Variants in KCND3 observed in about 807,000 individuals in gnomAD.
KCND3 encodes the protein A-type voltage-gated potassium channel KCND3.
In KCND3, 9 loss-of-function variants were observed where a neutral mutation model predicts 51.1. The ratio of observed to expected loss-of-function variants is 0.18; its 90% CI spans 0.11 to 0.31. The LOEUF (loss-of-function observed/expected upper bound fraction) is 0.31. Ranked by LOEUF, KCND3 falls within the 10% of genes least tolerant of loss-of-function variation. The pLI, the probability that KCND3 is intolerant of heterozygous loss-of-function variation, is 1.00. For synonymous variants in KCND3, 349 were observed against 368.0 expected (o/e 0.95, Z 0.59); for missense variants, 526 against 903.8 (o/e 0.58, Z 5.36).
chr1:111,893,245 G>A (rs568301681), intron 2 of KCND3, among the ~76,000 whole-genome samples: 1 of 152,326 alleles, frequency 6.6e-6, no homozygotes, highest in East Asian at 1.9e-4. Flanking sequence ...GGGAAGTTGT[G>A]AACTCTGGCT....
intron 2 of KCND3, among the ~76,000 whole-genome samples, chr1:111,942,413 G>A (rs1672568903): frequency 6.6e-6 from 1 of 152,222 alleles, no homozygotes; most frequent in African/African-American, 2.4e-5. Context: ...CATAGTTCCT[G>A]CCCATGTCAC....
chr1:111,881,276 CTCTG>C (rs1277651912), intron 2 of KCND3, among the ~76,000 whole-genome samples: 1 of 152,266 alleles, frequency 6.6e-6, no homozygotes, highest in Non-Finnish European at 1.5e-5. Context: ...CATTTGTCAG[CTCTG>C]TCTGAGCACA....
At chr1:111,813,163 G>A (rs1012977027) in intron 2 of KCND3, among the ~76,000 whole-genome samples, 9 of 152,108 alleles carry the variant, frequency 5.9e-5, no homozygotes, top group African/African-American at 1.9e-4. Context: ...GGTATGGGAA[G>A]GGGTCATAGT....
chr1:111,971,594 C>G (rs1674334272), intron 2 of KCND3, among the ~76,000 whole-genome samples: 1 of 152,132 alleles, frequency 6.6e-6, no homozygotes, highest in Admixed American at 6.6e-5. Context: ...TCTGCTTCAG[C>G]TGATGATTTT....
intron 2 of KCND3, among the ~76,000 whole-genome samples, chr1:111,900,222 C>G (rs1286941140): frequency 6.6e-6 from 1 of 152,102 alleles, no homozygotes; most frequent in Non-Finnish European, 1.5e-5. Context: ...TCCCTCTGAC[C>G]CTTCCCACTT....
At chr1:111,796,417 C>A (rs1665060143) in intron 2 of KCND3, among the ~76,000 whole-genome samples, 1 of 151,812 alleles carries the variant, frequency 6.6e-6, no homozygotes, top group African/African-American at 2.4e-5. Context: ...AAAAATGTGG[C>A]ACATATACAT....
At chr1:111,808,863 C>G (rs1665701334) in intron 2 of KCND3, among the ~76,000 whole-genome samples, 1 of 152,214 alleles carries the variant, frequency 6.6e-6, no homozygotes, top group Admixed American at 6.5e-5. Flanking sequence ...CAAGATGTGC[C>G]TTGCCAAAGA....
At chr1:111,858,636 T>C (rs1668198406) in intron 2 of KCND3, among the ~76,000 whole-genome samples, 1 of 152,230 alleles carries the variant, frequency 6.6e-6, no homozygotes, top group Non-Finnish European at 1.5e-5. Flanking sequence ...CAGTCTCTCC[T>C]GTGCCTGATG....
At chr1:111,947,720 C>T (rs1672848998) in intron 2 of KCND3, among the ~76,000 whole-genome samples, 1 of 152,178 alleles carries the variant, frequency 6.6e-6, no homozygotes, top group African/African-American at 2.4e-5. Context: ...AAGAGGGATG[C>T]TGAGGTTTGG....
intron 2 of KCND3, among the ~76,000 whole-genome samples, chr1:111,941,138 G>T (rs1039199691): frequency 1.3e-5 from 2 of 152,070 alleles, no homozygotes; most frequent in Non-Finnish European, 2.9e-5. Context: ...GCTATGTCAG[G>T]GTTAAAAATC....
chr1:111,941,552 C>T (rs1672523164), intron 2 of KCND3, among the ~76,000 whole-genome samples: 1 of 152,184 alleles, frequency 6.6e-6, no homozygotes, highest in Admixed American at 6.5e-5. Flanking sequence ...ACTTCTCTCC[C>T]ATCCCTTCTG....
chr1:111,965,207 G>GGT (rs977618166), intron 2 of KCND3, among the ~76,000 whole-genome samples: 1 of 151,852 alleles, frequency 6.6e-6, no homozygotes, highest in African/African-American at 2.4e-5. Flanking sequence ...GAGTAAAAGG[G>GGT]GTGTGGAGGT....
At chr1:111,939,234 ATTT>A (rs1206457424) in intron 2 of KCND3, among the ~76,000 whole-genome samples, 1 of 151,938 alleles carries the variant, frequency 6.6e-6, no homozygotes, top group East Asian at 1.9e-4. Context: ...TTTATTTTTA[ATTT>A]TTTTTAGTAT....
At chr1:111,964,149 C>A (rs1673831598) in intron 2 of KCND3, among the ~76,000 whole-genome samples, 1 of 152,132 alleles carries the variant, frequency 6.6e-6, no homozygotes, top group African/African-American at 2.4e-5. Context: ...CAGGGCCAGG[C>A]AGGGAGGGGA....
chr1:111,779,645 T>A (rs1414345295), intron 5 of KCND3, among the ~76,000 whole-genome samples: 3 of 150,802 alleles, frequency 2.0e-5, no homozygotes, highest in Non-Finnish European at 4.4e-5. Context: ...TGGCTCTGTT[T>A]TAACAATCAG....
At chr1:111,802,913 C>T (rs1444313522) in intron 2 of KCND3, among the ~76,000 whole-genome samples, 1 of 151,900 alleles carries the variant, frequency 6.6e-6, no homozygotes, top group African/African-American at 2.4e-5. Context: ...TTTGACTGAG[C>T]ATCAAACATT....
chr1:111,854,295 A>C (rs1163023487), intron 2 of KCND3, among the ~76,000 whole-genome samples: 2 of 152,248 alleles, frequency 1.3e-5, no homozygotes, highest in Non-Finnish European at 2.9e-5. Flanking sequence ...TATTTGGGAC[A>C]TATTTAAACT....
At chr1:111,779,003 G>A (rs567283966) in intron 5 of KCND3, among the ~76,000 whole-genome samples, 3 of 152,278 alleles carry the variant, frequency 2.0e-5, no homozygotes, top group Admixed American at 6.5e-5. Context: ...AGTTGGGTCC[G>A]GGCCTATCCC....
At chr1:111,886,732 C>T (rs1446408319) in intron 2 of KCND3, among the ~76,000 whole-genome samples, 1 of 152,250 alleles carries the variant, frequency 6.6e-6, no homozygotes, top group Non-Finnish European at 1.5e-5. Context: ...AAGGCACTTA[C>T]TTCATTGTCA....
Sources: gnomAD v4.1 joint callset for allele counts (sites outside exome capture counted in the v4.1 genomes callset) on GRCh38, gnomAD v4.1.1 for gene constraint, MANE v1.5 for transcripts, NCBI Gene and HGNC (gene_info 2026-07-23, HGNC 2026-07-21) for gene names.